Variants in PID1 observed in about 807,000 individuals in gnomAD.
The protein encoded by PID1 is phosphotyrosine interaction domain containing 1.
PID1 carries 10 observed loss-of-function variants against 19.1 expected under a neutral mutation model. That is an observed-to-expected ratio of 0.52 (90% CI 0.32 to 0.89). The LOEUF (loss-of-function observed/expected upper bound fraction) is 0.89, where lower values mean the gene tolerates loss of function less well. PID1 is among the 40% of genes least tolerant of loss of function. The pLI is 0.03. For synonymous variants in PID1, 130 were observed against 116.0 expected (o/e 1.12, Z -0.78); for missense variants, 248 against 285.3 (o/e 0.87, Z 0.94).
chr2:229,052,729 C>T (rs1023237694), intron 2 of PID1, among the ~76,000 whole-genome samples: 2 of 151,840 alleles, frequency 1.3e-5, no homozygotes, highest in African/African-American at 4.8e-5. Flanking sequence ...AAAAAATGGC[C>T]TGAAAACTAC....
rs143552191 is a variant in PID1, at chr2:229,031,073, G to A, written c.178-4965C>T. 9.1e-3 allele frequency among the ~76,000 whole-genome samples: 1,383 copies of A among 151,572 alleles called. 31 individuals carry two copies. The highest frequency in any genetic ancestry group is 0.031 in the African/African-American group (1,294 of 41,262). ...TCTTCTAAAAATACAAAAATTAGCCGGGTGTGGTGGCAGACACCTGTAGTC... is the reference window on the plus strand; with the variant it reads ...TCTTCTAAAAATACAAAAATTAGCCAGGTGTGGTGGCAGACACCTGTAGTC... On this transcript the variant is annotated intron_variant, in intron 2 of 2. Coordinates refer to ENST00000392055, the MANE Select transcript of PID1 (RefSeq NM_001100818.2).
At chr2:229,046,483 G>T (rs1559208495) in intron 2 of PID1, among the ~76,000 whole-genome samples, 1 of 151,404 alleles carries the variant, frequency 6.6e-6, no homozygotes, top group Non-Finnish European at 1.5e-5. Context: ...TTTTGGAGAG[G>T]TATATAGAGG....
chr2:229,107,845 T>C (rs1397140654), intron 2 of PID1, among the ~76,000 whole-genome samples: 1 of 152,226 alleles, frequency 6.6e-6, no homozygotes, highest in Non-Finnish European at 1.5e-5. Flanking sequence ...TTGCCAGAGC[T>C]ACAGATCCAG....
intron 2 of PID1, among the ~76,000 whole-genome samples, chr2:229,089,154 T>C (rs1460632233): frequency 6.6e-6 from 1 of 152,216 alleles, no homozygotes; most frequent in Non-Finnish European, 1.5e-5. Context: ...TTGTTCATTC[T>C]TTTTTAACAC....
chr2:229,170,743 T>C (rs1052831929), intron 1 of PID1, among the ~76,000 whole-genome samples: 2 of 152,218 alleles, frequency 1.3e-5, no homozygotes, highest in Non-Finnish European at 2.9e-5. Context: ...CATGACAGTC[T>C]TTGATGCACG....
intron 1 of PID1, among the ~76,000 whole-genome samples, chr2:229,230,046 T>C (rs1692168505): frequency 1.3e-5 from 2 of 152,256 alleles, no homozygotes; most frequent in South Asian, 4.1e-4. Flanking sequence ...GCTAAGACTT[T>C]ATGAAGTAAA....
In PID1 at chr2:229,097,339, G is replaced by T. The variant is rs188593743; in HGVS notation, c.177+58479C>A. On this transcript the variant is annotated intron_variant, in intron 2 of 2. Transcript: ENST00000392055. Reference sequence around the variant, plus strand: ...GAATGCATTAAAGAAAATCAGACTAGATATAAATCAGGGTCCAGAATATTT... The same window carrying T: ...GAATGCATTAAAGAAAATCAGACTATATATAAATCAGGGTCCAGAATATTT... Among the ~76,000 whole-genome samples, 34 of 152,272 alleles carry T rather than the reference G, an allele frequency of 2.2e-4. No homozygotes were observed. In the East Asian group the frequency reaches 6.6e-3, roughly 29 times the overall value.
intron 1 of PID1, among the ~76,000 whole-genome samples, chr2:229,249,086 G>T (rs932205545): frequency 1.3e-5 from 2 of 152,062 alleles, no homozygotes; most frequent in Admixed American, 1.3e-4. Context: ...TTAATTAATT[G>T]CCATTTATGA....
At chr2:229,166,722 T>C (rs1380647937) in intron 1 of PID1, among the ~76,000 whole-genome samples, 2 of 152,120 alleles carry the variant, frequency 1.3e-5, no homozygotes, top group Non-Finnish European at 2.9e-5. Context: ...CTTGGATAAA[T>C]GGCTAATTCT....
intron 2 of PID1, among the ~76,000 whole-genome samples, chr2:229,098,537 G>T (rs1285848797): frequency 6.6e-6 from 1 of 152,140 alleles, no homozygotes; most frequent in African/African-American, 2.4e-5. Context: ...TCTCTCAGAA[G>T]AAACATAGTC....
chr2:229,134,507 G>T (rs1289133499), intron 2 of PID1, among the ~76,000 whole-genome samples: 2 of 151,864 alleles, frequency 1.3e-5, no homozygotes, highest in African/African-American at 4.8e-5. Flanking sequence ...CTCCCAAAGT[G>T]CTGGGATTAC....
At position 229,254,420 on chromosome 2, in the gene PID1, G is replaced by A. The variant is rs548270121; in HGVS notation, c.30+16594C>T. 6.6e-5 allele frequency among the ~76,000 whole-genome samples: 10 copies of A among 152,270 alleles called. No individual in the cohort carries two copies. In the South Asian group the frequency reaches 1.0e-3, roughly 16 times the overall value. On this transcript the variant is annotated intron_variant, in intron 1 of 2. Coordinates refer to ENST00000392055, the MANE Select transcript of PID1 (RefSeq NM_001100818.2). ...AACTAATGCTATTACCCAAGTCTGCGTTACAATGTCCCATATAAAGAACCA... is the reference window on the plus strand; with the variant it reads ...AACTAATGCTATTACCCAAGTCTGCATTACAATGTCCCATATAAAGAACCA...
intron 1 of PID1, among the ~76,000 whole-genome samples, chr2:229,199,360 T>C (rs1437684558): frequency 2.0e-5 from 3 of 152,012 alleles, no homozygotes. Flanking sequence ...GGTATATTTA[T>C]TGTATGCCTT....
At chr2:229,244,034 G>A (rs988029891) in intron 1 of PID1, among the ~76,000 whole-genome samples, 1 of 152,070 alleles carries the variant, frequency 6.6e-6, no homozygotes, top group African/African-American at 2.4e-5. Context: ...AAAGCCCCAC[G>A]TGTAATTTCT....
At chr2:229,096,888 T>C (rs1694981100) in intron 2 of PID1, among the ~76,000 whole-genome samples, 1 of 152,152 alleles carries the variant, frequency 6.6e-6, no homozygotes, top group Non-Finnish European at 1.5e-5. Flanking sequence ...CAAGAAGGCA[T>C]TCAGATGTGT....
intron 1 of PID1, among the ~76,000 whole-genome samples, chr2:229,240,311 A>C (rs1433067755): frequency 6.7e-6 from 1 of 149,786 alleles, no homozygotes; most frequent in Non-Finnish European, 1.5e-5. Flanking sequence ...ATTTATGGTC[A>C]AAAAAAAAAC....
chr2:229,212,298 T>C (rs1440354389), intron 1 of PID1, among the ~76,000 whole-genome samples: 1 of 152,214 alleles, frequency 6.6e-6, no homozygotes, highest in African/African-American at 2.4e-5. Context: ...AAGAACAACT[T>C]TTTGAAGTTC....
intron 2 of PID1, among the ~76,000 whole-genome samples, chr2:229,103,058 G>A (rs539419508): frequency 6.6e-6 from 1 of 152,302 alleles, no homozygotes; most frequent in East Asian, 1.9e-4. Context: ...TATTAACAGA[G>A]CTTAACCTCT....
At position 229,084,519 on chromosome 2, in the gene PID1, T is replaced by C. The variant is rs538503821; in HGVS notation, c.178-58411A>G. Among the ~76,000 whole-genome samples the C allele has an allele frequency of 1.3e-3, 197 of 152,332 alleles. 1 individual carries two copies. Among genetic ancestry groups the C allele is most frequent in the African/African-American group, 4.5e-3 (189 of 41,590 alleles). On this transcript the variant is annotated intron_variant, in intron 2 of 2. Coordinates refer to ENST00000392055, the MANE Select transcript of PID1 (RefSeq NM_001100818.2). ...CTTAGCTGGTGGGTTTACAGGCATATGAATTGCGACTGTCTCATCCCATCC... is the reference window on the plus strand; with the variant it reads ...CTTAGCTGGTGGGTTTACAGGCATACGAATTGCGACTGTCTCATCCCATCC...
Sources: allele counts gnomAD v4.1 joint callset (sites outside exome capture counted in the v4.1 genomes callset), GRCh38; gene constraint gnomAD v4.1.1; transcripts MANE v1.5; gene names NCBI Gene and HGNC (gene_info 2026-07-23, HGNC 2026-07-21).